TNPO3: variants seen among roughly 807,000 people sequenced by gnomAD.
TNPO3 encodes transportin 3.
Under a neutral mutation model 122.8 loss-of-function variants are expected in TNPO3, and 65 were observed. That is an observed-to-expected ratio of 0.53 (90% CI 0.43 to 0.65). The LOEUF (loss-of-function observed/expected upper bound fraction) is 0.65. TNPO3 is among the 30% of genes least tolerant of loss of function. The pLI, the probability that TNPO3 is intolerant of heterozygous loss-of-function variation, is 0.00. For synonymous variants in TNPO3, 372 were observed against 411.2 expected (o/e 0.90, Z 1.15); for missense variants, 850 against 1,136.7 (o/e 0.75, Z 3.63).
intron 8 of TNPO3, among the ~76,000 whole-genome samples, chr7:128,996,438 C>T (rs193277691): frequency 2.6e-5 from 4 of 152,126 alleles, no homozygotes; most frequent in Non-Finnish European, 5.9e-5. Flanking sequence ...TTATTTTCTA[C>T]TATTTAATAA....
At chr7:128,992,982 G>A (rs186541391) in intron 9 of TNPO3, among the ~76,000 whole-genome samples, 2 of 135,334 alleles carry the variant, frequency 1.5e-5, no homozygotes, top group Admixed American at 1.5e-4. Flanking sequence ...CTAAGATCCA[G>A]GGATCTCATT....
chr7:128,964,436 C>A (rs990374291), intron 21 of TNPO3, among the ~76,000 whole-genome samples: 1 of 150,016 alleles, frequency 6.7e-6, no homozygotes, highest in Non-Finnish European at 1.5e-5. Context: ...CCCGGGTTCA[C>A]GCCATTCTCC....
chr7:128,967,505 ACACTT>A, intron 20 of TNPO3, 113 bp from the exon 21 acceptor site: 1 of 655,262 alleles, frequency 1.5e-6, no homozygotes, highest in Non-Finnish European at 2.7e-6. Flanking sequence ...TTACTTCCCT[ACACTT>A]GGGAGCAAGT....
chr7:129,027,558 C>CAAAAAAAAAAAAAAA (rs71162549), intron 1 of TNPO3, among the ~76,000 whole-genome samples: 5 of 8,972 alleles, frequency 5.6e-4, no homozygotes, highest in African/African-American at 9.3e-4. Context: ...AAGACTGTCT[C>CAAAAAAAAAAAAAAA]AAAAAAAAAA....
At chr7:128,986,459 T>A (rs1035331510) in intron 12 of TNPO3, among the ~76,000 whole-genome samples, 2 of 152,232 alleles carry the variant, frequency 1.3e-5, no homozygotes, top group African/African-American at 4.8e-5. Flanking sequence ...CGTGTTTAGT[T>A]TGAATATGTT....
chr7:129,053,937 GCA>G (rs1009720812), intron 1 of TNPO3, among the ~76,000 whole-genome samples: 9 of 152,108 alleles, frequency 5.9e-5, no homozygotes, highest in Non-Finnish European at 8.8e-5. Context: ...CTCACCGGAT[GCA>G]CACACAGTTT....
In TNPO3 at chr7:129,054,908, AC is replaced by A; in HGVS notation, c.-139del. ...CGCCATCTCCTCCTCTTTGGCCGTT[AC>A]CAGGGCAGAAGGCTCTCCGTGGAAG... is the stretch of plus-strand genomic sequence containing the variant. On this transcript the variant is annotated 5_prime_UTR_variant, in exon 1 of 23. Coordinates refer to ENST00000265388, the MANE Select transcript of TNPO3 (RefSeq NM_012470.4). 3 of 1,187,844 alleles carry A rather than the reference AC, an allele frequency of 2.5e-6. No homozygotes were observed. The highest frequency in any genetic ancestry group is 3.6e-6 in the Non-Finnish European group (3 of 843,160). The allele number at this position is 1,187,844 out of a possible 1,614,324, so 73.6% of individuals were successfully genotyped here.
intron 18 of TNPO3, among the ~76,000 whole-genome samples, chr7:128,974,276 AAAT>A (rs1160773504): frequency 1.3e-5 from 2 of 151,168 alleles, no homozygotes; most frequent in Admixed American, 1.3e-4. Context: ...GTTGTTTCGA[AAAT>A]AATGATTTTT....
At chr7:129,030,332 C>G in intron 1 of TNPO3, 1 of 242,340 alleles carries the variant, frequency 4.1e-6, no homozygotes, top group Non-Finnish European at 8.2e-6. Context: ...GTTGCTGCTA[C>G]TTGTACTTTT....
At chr7:129,026,457 C>T (rs911704528) in intron 1 of TNPO3, among the ~76,000 whole-genome samples, 13 of 128,266 alleles carry the variant, frequency 1.0e-4, no homozygotes, top group African/African-American at 3.9e-4. Flanking sequence ...AGCTGGAGTA[C>T]AATGGCACAA....
At position 128,997,505 on chromosome 7, in the gene TNPO3, G is replaced by A. The variant is rs1801458570; in HGVS notation, c.1042C>T (p.Arg348Ter). Residue 348 changes from arginine (R) to a stop codon, truncating the protein, a stop_gained, in exon 8 of 23, where the codon CGA (arginine) becomes TGA (stop). Transcript: ENST00000265388. LOFTEE classifies it high-confidence loss of function. Reference sequence around the variant, plus strand: ...GTTTTGTACAAATGTTCCCCCAGTCGGTACCAAAAGTTAAATGAAATTTCT... The same window carrying A: ...GTTTTGTACAAATGTTCCCCCAGTCAGTACCAAAAGTTAAATGAAATTTCT... ...VVEISFNFWY[R>*]LGEHLYKTND... 4 of 1,613,528 alleles carry A rather than the reference G, an allele frequency of 2.5e-6. No individual in the cohort carries two copies. The highest frequency in any genetic ancestry group is 3.4e-6 in the Non-Finnish European group (4 of 1,179,750).
intron 12 of TNPO3, among the ~76,000 whole-genome samples, chr7:128,984,677 T>C (rs1232252292): frequency 6.6e-6 from 1 of 152,210 alleles, no homozygotes; most frequent in Non-Finnish European, 1.5e-5. Flanking sequence ...ATAATGCTTT[T>C]AGAAGAATGG....
chr7:128,990,017 C>T lies in TNPO3; in HGVS notation c.1442G>A (p.Ser481Asn). 1 of 1,614,208 alleles carries T rather than the reference C, an allele frequency of 6.2e-7. No homozygotes were observed. Among genetic ancestry groups the T allele is most frequent in the Non-Finnish European group, 8.5e-7 (1 of 1,180,032 alleles). ...ACTCATCTCTCCAACCAATTCAATG[C>T]TGGTGTATCGCACAGCCGTATGTAC... ...ETVHTAVRYT[S>N]IELVGEMSEV... Residue 481 changes from serine to asparagine, a missense_variant, in exon 11 of 23, where the codon AGC (serine) becomes AAC (asparagine). By Grantham distance (46) the Ser-to-Asn change is conservative (BLOSUM62 1). Coordinates refer to ENST00000265388, the MANE Select transcript of TNPO3 (RefSeq NM_012470.4).
intron 20 of TNPO3, among the ~76,000 whole-genome samples, chr7:128,969,023 G>A (rs1373802200): frequency 6.6e-6 from 1 of 152,108 alleles, no homozygotes; most frequent in Non-Finnish European, 1.5e-5. Context: ...ATTGTGTCTG[G>A]CTGATATACA....
At chr7:129,048,099 G>A (rs1300267490) in intron 1 of TNPO3, among the ~76,000 whole-genome samples, 5 of 152,210 alleles carry the variant, frequency 3.3e-5, no homozygotes, top group African/African-American at 1.2e-4. Flanking sequence ...GTGCATGCCT[G>A]TAGTCCCAGC....
chr7:129,003,177 T>G lies in TNPO3; in HGVS notation c.696+1839A>C, dbSNP rs1802178169. Reference sequence around the variant, plus strand: ...GGCGAAGGTTGCCGTGAGCCGAGATTGTGCCACTGCACTCCAGCCTGGGCG... The same window carrying G: ...GGCGAAGGTTGCCGTGAGCCGAGATGGTGCCACTGCACTCCAGCCTGGGCG... On this transcript the variant is annotated intron_variant, in intron 5 of 22. Transcript: ENST00000265388. Among the ~76,000 whole-genome samples the G allele has an allele frequency of 2.0e-5, 3 of 149,434 alleles. 1 individual carries two copies. The highest frequency in any genetic ancestry group is 2.0e-4 in the Admixed American group (3 of 15,074).
At chr7:128,974,750 T>C (rs1300435963) in intron 18 of TNPO3, 118 bp downstream of exon 18, 2 of 828,152 alleles carry the variant, frequency 2.4e-6, no homozygotes, top group Non-Finnish European at 4.0e-6. Context: ...TTATGAATCA[T>C]TAATCTACTT....
chr7:129,014,583 A>G (rs1325516557), intron 4 of TNPO3, among the ~76,000 whole-genome samples: 1 of 152,188 alleles, frequency 6.6e-6, no homozygotes, highest in African/African-American at 2.4e-5. Flanking sequence ...AATTAGAAAA[A>G]AAAAGAAAGG....
chr7:129,001,327 T>A, intron 5 of TNPO3, 93 bp from the exon 6 acceptor site: 2 of 1,025,748 alleles, frequency 1.9e-6, no homozygotes, highest in Admixed American at 2.4e-5. Context: ...CAATCAACCA[T>A]CGATAGAAAA....
Sources: gnomAD v4.1 joint callset for allele counts (sites outside exome capture counted in the v4.1 genomes callset) on GRCh38, gnomAD v4.1.1 for gene constraint, MANE v1.5 for transcripts, NCBI Gene and HGNC (gene_info 2026-07-23, HGNC 2026-07-21) for gene names.